RP1: variants seen among roughly 807,000 people sequenced by gnomAD.
The protein encoded by RP1 is oxygen-regulated protein 1.
In RP1, 16 loss-of-function variants were observed where a neutral mutation model predicts 14.8. The ratio of observed to expected loss-of-function variants is 1.08; its 90% confidence interval spans 0.73 to 1.65. The LOEUF is 1.65. RP1 is among the 40% of genes most tolerant of loss of function. The probability of loss-of-function intolerance (pLI) is 0.00; values close to 1 mark genes in which losing one functional copy is unlikely to be tolerated. For missense variants in RP1, 2,631 were observed against 2,535.0 expected (o/e 1.04, Z -0.81); for synonymous variants, 876 against 883.6 (o/e 0.99, Z 0.15).
chr8:54,669,657 G>C (rs1239558856), intron 7 of RP1, among the ~76,000 whole-genome samples: 1 of 152,124 alleles, frequency 6.6e-6, no homozygotes, highest in African/African-American at 2.4e-5. Context: ...ACTGGATCAA[G>C]AAAATGTGGC....
intron 22 of RP1, among the ~76,000 whole-genome samples, chr8:54,766,556 G>A (rs927982528): frequency 2.6e-5 from 4 of 152,130 alleles, no homozygotes; most frequent in African/African-American, 4.8e-5. Context: ...GGGGATGGGG[G>A]TGGAGACATA....
intron 20 of RP1, chr8:54,754,939 T>G: frequency 6.6e-7 from 1 of 1,519,776 alleles, no homozygotes; most frequent in Non-Finnish European, 8.8e-7. Flanking sequence ...TTTCCATGTG[T>G]GTTTTTAATC....
chr8:54,597,048 T>C (rs1156951257), intron 1 of RP1, among the ~76,000 whole-genome samples: 1 of 152,200 alleles, frequency 6.6e-6, no homozygotes, highest in Non-Finnish European at 1.5e-5. Flanking sequence ...GTCATTTCCC[T>C]GCTCAAAAAC....
chr8:54,745,036 A>C (rs1194935815), intron 19 of RP1, among the ~76,000 whole-genome samples: 1 of 152,208 alleles, frequency 6.6e-6, no homozygotes, highest in Non-Finnish European at 1.5e-5. Flanking sequence ...TCGTATTCAA[A>C]GTGTTTTATC....
chr8:54,747,969 T>C (rs935075004), intron 19 of RP1, among the ~76,000 whole-genome samples: 4 of 152,268 alleles, frequency 2.6e-5, no homozygotes, highest in African/African-American at 9.6e-5. Flanking sequence ...ATGTTTGCTA[T>C]ACATTCTGGA....
chr8:54,669,185 A>G (rs190833225), intron 7 of RP1, among the ~76,000 whole-genome samples: 22 of 152,328 alleles, frequency 1.4e-4, no homozygotes, highest in African/African-American at 5.1e-4. Context: ...TTACAAGAAA[A>G]AAAACACAAC....
intron 24 of RP1, among the ~76,000 whole-genome samples, chr8:54,796,725 C>G (rs1035506455): frequency 2.0e-5 from 3 of 152,112 alleles, no homozygotes; most frequent in African/African-American, 7.2e-5. Flanking sequence ...GCCTCATTGA[C>G]GTCTTGATTT....
chr8:54,699,667 G>A (rs1006666642), intron 13 of RP1: 5 of 492,802 alleles, frequency 1.0e-5, no homozygotes, highest in Non-Finnish European at 1.3e-5. Context: ...TTTCCTTTTG[G>A]CTTGTACTAG....
At chr8:54,611,499 A>G (rs1164892234), upstream of RP1, among the ~76,000 whole-genome samples, 4 of 152,068 alleles carry the variant, frequency 2.6e-5, no homozygotes, top group South Asian at 8.3e-4. Context: ...TGAATTTTTC[A>G]TGTCCATTTT....
At position 54,789,816 on chromosome 8, in the gene RP1, C is replaced by A. The variant is rs548797429; in HGVS notation, c.3615+6106C>A. Among the ~76,000 whole-genome samples, 37 of 152,300 alleles carry A rather than the reference C, an allele frequency of 2.4e-4. No individual in the cohort carries two copies. In the South Asian group the frequency reaches 3.7e-3, roughly 15 times the overall value. On this transcript the variant is annotated intron_variant, in intron 24 of 28. Coordinates refer to the RP1 transcript ENST00000637698. ...GGTCCTCACTGACTGTGGAGCACAGCAACAGCTCTGCATTATCAGGCAACC... is the reference window on the plus strand; with the variant it reads ...GGTCCTCACTGACTGTGGAGCACAGAAACAGCTCTGCATTATCAGGCAACC...
chr8:54,604,768 AG>A (rs1805386534), intron 1 of RP1, among the ~76,000 whole-genome samples: 1 of 152,058 alleles, frequency 6.6e-6, no homozygotes, highest in Non-Finnish European at 1.5e-5. Context: ...TAGTCTTGGG[AG>A]GGTGTATGTG....
intron 3 of RP1, among the ~76,000 whole-genome samples, chr8:54,638,996 A>T (rs985975931): frequency 5.9e-5 from 9 of 152,140 alleles, no homozygotes; most frequent in Non-Finnish European, 7.3e-5. Context: ...GTTTTGACAA[A>T]TATATGTATT....
intron 1 of RP1, among the ~76,000 whole-genome samples, chr8:54,619,990 C>G (rs193072128): frequency 3.3e-4 from 50 of 152,296 alleles, no homozygotes; most frequent in Non-Finnish European, 6.0e-4. Flanking sequence ...TGATGAACTG[C>G]AAAACTCTCT....
Position 54,649,189 on chromosome 8 carries a change from T to A in RP1, c.951+41T>A, listed in dbSNP as rs1043906258. 4 of 1,391,554 alleles carry A rather than the reference T, an allele frequency of 2.9e-6. No individual in the cohort carries two copies. In the Admixed American group the frequency reaches 9.2e-5, roughly 32 times the overall value. 86.2% of individuals were successfully genotyped at this position (1,391,554 alleles called of 1,614,324 possible). ...GAGTATAAACTGTTAATATAAGTGATACACCTAGTAGGTACTTTGGAATGA... is the reference window on the plus strand; with the variant it reads ...GAGTATAAACTGTTAATATAAGTGAAACACCTAGTAGGTACTTTGGAATGA... On this transcript the variant is annotated intron_variant, in intron 4 of 22. Transcript: ENST00000636932.
intron 28 of RP1, among the ~76,000 whole-genome samples, chr8:54,868,753 A>G (rs1812514887): frequency 6.6e-6 from 1 of 152,180 alleles, no homozygotes; most frequent in Admixed American, 6.5e-5. Context: ...GAGCATTTAG[A>G]TGACATAAGC....
At chr8:54,726,275 A>T (rs1808651762) in intron 16 of RP1, 5 of 1,449,540 alleles carry the variant, frequency 3.4e-6, no homozygotes, top group Admixed American at 5.4e-5. Context: ...ATAGCTGAAC[A>T]TATGATGAGT....
At chr8:54,723,015 C>A (rs748359117) in intron 16 of RP1, among the ~76,000 whole-genome samples, 32 of 152,110 alleles carry the variant, frequency 2.1e-4, no homozygotes, top group Non-Finnish European at 3.2e-4. Context: ...GGTAGAGGGA[C>A]AAGGGTGGGA....
chr8:54,619,857 T>C (rs1018285003), intron 1 of RP1, among the ~76,000 whole-genome samples: 2 of 152,250 alleles, frequency 1.3e-5, no homozygotes, highest in Admixed American at 6.5e-5. Flanking sequence ...TACTTAAGGT[T>C]CTATGTGATA....
At chr8:54,735,573 T>C (rs1303432317) in intron 18 of RP1, among the ~76,000 whole-genome samples, 2 of 152,210 alleles carry the variant, frequency 1.3e-5, no homozygotes, top group Non-Finnish European at 2.9e-5. Context: ...CTACAGTACC[T>C]GGCAATCACT....
Sources: allele counts gnomAD v4.1 joint callset (sites outside exome capture counted in the v4.1 genomes callset), GRCh38; gene constraint gnomAD v4.1.1; transcripts MANE v1.5; gene names NCBI Gene and HGNC (gene_info 2026-07-23, HGNC 2026-07-21).